GRM4: variants seen among roughly 807,000 people sequenced by gnomAD.
The protein encoded by GRM4 is metabotropic glutamate receptor 4.
A neutral mutation model predicts 81.7 loss-of-function variants in GRM4; 28 were observed. That is an observed-to-expected ratio of 0.34 (90% CI 0.25 to 0.47). The LOEUF is 0.47. Among genes scored for constraint, GRM4 ranks in the 20% least tolerant of loss-of-function variants. The probability of loss-of-function intolerance (pLI) is 1.00; values close to 1 mark genes in which losing one functional copy is unlikely to be tolerated. For missense variants in GRM4, 948 were observed against 1,290.0 expected, an observed-to-expected ratio of 0.73 and a Z score of 4.06; for synonymous variants, 488 against 528.8, an observed-to-expected ratio of 0.92 and a Z score of 1.06.
intron 1 of GRM4, among the ~76,000 whole-genome samples, chr6:34,135,778 C>T (rs1327940957): frequency 6.6e-6 from 1 of 152,216 alleles, no homozygotes; most frequent in African/African-American, 2.4e-5. Context: ...CCAGGTAATT[C>T]AGAAGAGAGA....
intron 2 of GRM4, chr6:34,103,706 C>G (rs1233308306): frequency 6.6e-7 from 1 of 1,524,840 alleles, no homozygotes. Flanking sequence ...GCCATGCCCC[C>G]TTTTCCAAGG....
chr6:34,050,105 G>A (rs866216715), intron 6 of GRM4, among the ~76,000 whole-genome samples: 2 of 152,230 alleles, frequency 1.3e-5, no homozygotes, highest in South Asian at 4.2e-4. Flanking sequence ...CCTGCCTGTT[G>A]CTCTCTCTGC....
chr6:34,075,119 G>C (rs1043717282), intron 3 of GRM4, among the ~76,000 whole-genome samples: 1 of 152,212 alleles, frequency 6.6e-6, no homozygotes, highest in South Asian at 2.1e-4. Context: ...GTGCAGTGGG[G>C]CTGTGGCGAG....
Position 34,040,189 on chromosome 6 carries a change from G to A in GRM4, c.1495C>T (p.Leu499=). 6.2e-7 allele frequency: 1 copy of A among 1,614,000 alleles called. No homozygotes were observed. The highest frequency in any genetic ancestry group is 8.5e-7 in the Non-Finnish European group (1 of 1,179,852). Residue 499 remains leucine (L), a synonymous_variant, in exon 8 of 11, where the codon CTG becomes TTG. Transcript: ENST00000538487. The stretch of plus-strand genomic sequence containing the variant: ...GCCCTCCCACTTACTCTAAGGTGCA[G>A]GTGGTCAGTCCAGGAGCCAATGACC... ...YKVIGSWTDH[L]HLRIERMHWP...
At chr6:34,100,630 C>T (rs1470939773) in intron 2 of GRM4, among the ~76,000 whole-genome samples, 1 of 152,234 alleles carries the variant, frequency 6.6e-6, no homozygotes, top group Non-Finnish European at 1.5e-5. Flanking sequence ...CTTCATGGAG[C>T]GGACATCCGA....
Position 34,070,216 on chromosome 6 carries a change from C to T in GRM4, c.737-8188G>A, listed in dbSNP as rs79481322. ...CAGCCACTGGACACCCCATTTGAGCCTGGCATCTACTTTGCTCTGGTCCAC... is the reference window on the plus strand; with the variant it reads ...CAGCCACTGGACACCCCATTTGAGCTTGGCATCTACTTTGCTCTGGTCCAC... On this transcript the variant is annotated intron_variant, in intron 3 of 10. Coordinates refer to ENST00000538487, the MANE Select transcript of GRM4 (RefSeq NM_000841.4). This position sits in a 1 kb window ranked among gnomAD's most constrained non-coding sequence, Gnocchi z 4.6. Among the ~76,000 whole-genome samples the T allele has an allele frequency of 0.076, 11,569 of 152,184 alleles. 888 individuals are homozygous for T. The highest frequency in any genetic ancestry group is 0.21 in the African/African-American group (8,558 of 41,482).
In GRM4 at chr6:34,059,459, G is replaced by A; in HGVS notation, c.873-331C>T. ...CCACACCCGCCCCACGTCTGACTCA[G>A]GCCCCACAACCACCTCTGCCCAGCC... On this transcript the variant is annotated intron_variant, in intron 4 of 10. Transcript: ENST00000538487. The surrounding 1 kb of genome is among the most constrained non-coding windows in gnomAD (Gnocchi z 5.7). 1 of 366,448 alleles carries A rather than the reference G, an allele frequency of 2.7e-6. No homozygotes were observed. Among genetic ancestry groups the A allele is most frequent in the South Asian group, 3.1e-5 (1 of 32,624 alleles). 22.7% of individuals were successfully genotyped at this position (366,448 alleles called of 1,614,324 possible).
chr6:34,031,951 GCTCTCT>G (rs61457652), intron 9 of GRM4, among the ~76,000 whole-genome samples: 1 of 148,792 alleles, frequency 6.7e-6, no homozygotes, highest in African/African-American at 2.5e-5. Flanking sequence ...ACTCAGCTGG[GCTCTCT>G]CTCTCTCTCT....
At chr6:34,112,141 A>G (rs1221043199) in intron 2 of GRM4, among the ~76,000 whole-genome samples, 1 of 152,130 alleles carries the variant, frequency 6.6e-6, no homozygotes, top group Non-Finnish European at 1.5e-5. Flanking sequence ...CAAATGAGAA[A>G]CCAGATTGAA....
At chr6:34,063,290 C>T (rs1010071808) in intron 3 of GRM4, 19 of 152,428 alleles carry the variant, frequency 1.2e-4, no homozygotes, top group African/African-American at 4.3e-4. Flanking sequence ...ACACGACTAC[C>T]ACCAGCCCCA....
At chr6:34,142,427 G>A (rs1156348378) in intron 1 of GRM4, among the ~76,000 whole-genome samples, 1 of 152,200 alleles carries the variant, frequency 6.6e-6, no homozygotes, top group African/African-American at 2.4e-5. Context: ...TGGGGTGGGT[G>A]GTAATTAGAG....
rs1171537085 is a variant in GRM4 at position 34,059,220 on chromosome 6, AC to A, written c.873-93del. The A allele has an allele frequency of 6.0e-6, 7 of 1,175,664 alleles. No individual in the cohort carries two copies. The highest frequency in any genetic ancestry group is 7.4e-6 in the Non-Finnish European group (6 of 813,608). 72.8% of individuals were successfully genotyped at this position (1,175,664 alleles called of 1,614,324 possible). Reference sequence around the variant, plus strand: ...CACTTGCTTTGGGCCCACGTCCCTCACCCCCAGAAGCCCAGGGTCCACAACT... The same window carrying A: ...CACTTGCTTTGGGCCCACGTCCCTCACCCCAGAAGCCCAGGGTCCACAACT... On this transcript the variant is annotated intron_variant, in intron 4 of 10. Transcript: ENST00000538487. The surrounding 1 kb of genome is among the most constrained non-coding windows in gnomAD (Gnocchi z 5.7).
At position 34,111,452 on chromosome 6, in the gene GRM4, T is replaced by C. The variant is rs1318823033; in HGVS notation, c.520-19353A>G. 6.6e-6 allele frequency among the ~76,000 whole-genome samples: 1 copy of C among 152,056 alleles called. No homozygotes were observed. Among genetic ancestry groups the C allele is most frequent in the Non-Finnish European group, 1.5e-5 (1 of 68,010 alleles). On this transcript the variant is annotated intron_variant, in intron 2 of 10. Transcript: ENST00000538487. The surrounding 1 kb of genome is among the most constrained non-coding windows in gnomAD (Gnocchi z 5.1). ...GAGTCAGCACTGGTGGAGGCAGCAT[T>C]AACAGTGTATTTTGGGGAGCACAAG...
intron 9 of GRM4, among the ~76,000 whole-genome samples, chr6:34,033,627 G>A (rs1401843090): frequency 2.0e-5 from 3 of 152,160 alleles, no homozygotes; most frequent in African/African-American, 4.8e-5. Flanking sequence ...GCAACCCTGG[G>A]AGCTCAGACT....
At chr6:34,135,421 C>T (rs908566560) in intron 1 of GRM4, among the ~76,000 whole-genome samples, 21 of 152,178 alleles carry the variant, frequency 1.4e-4, no homozygotes, top group Admixed American at 7.9e-4. Flanking sequence ...GCAGGTGAAC[C>T]GGTAGCCCAG....
intron 2 of GRM4, chr6:34,105,918 G>A (rs73744818): frequency 0.047 from 7,116 of 152,100 alleles, 411 homozygotes; most frequent in African/African-American, 0.14. Context: ...ATCCAACCAC[G>A]ACTCACCTCC....
At chr6:34,065,212 C>G (rs1191813391) in intron 3 of GRM4, among the ~76,000 whole-genome samples, 12 of 152,008 alleles carry the variant, frequency 7.9e-5, no homozygotes, top group African/African-American at 2.7e-4. Flanking sequence ...CCTGTGCATT[C>G]CAGGCCACGC....
intron 2 of GRM4, among the ~76,000 whole-genome samples, chr6:34,120,083 C>T (rs1769748851): frequency 6.6e-6 from 1 of 152,158 alleles, no homozygotes; most frequent in African/African-American, 2.4e-5. Context: ...TGCATTCAAA[C>T]AGTAATACCG....
chr6:34,146,721 C>A (rs1191326477), upstream of GRM4, among the ~76,000 whole-genome samples: 1 of 152,184 alleles, frequency 6.6e-6, no homozygotes, highest in Admixed American at 6.5e-5. Flanking sequence ...CCTCCCTCCC[C>A]ATCAGTACCT....
Sources: gnomAD v4.1 joint callset for allele counts (sites outside exome capture counted in the v4.1 genomes callset) on GRCh38, gnomAD v4.1.1 for gene constraint, Gnocchi (gnomAD v3.1) non-coding constraint, MANE v1.5 for transcripts, NCBI Gene and HGNC (gene_info 2026-07-23, HGNC 2026-07-21) for gene names.